GABBR2: variants seen among roughly 807,000 people sequenced by gnomAD.
The protein encoded by GABBR2 is G-protein coupled receptor 51.
GABBR2 carries 23 observed loss-of-function variants against 105.6 expected under a neutral mutation model. The observed-to-expected ratio is 0.22, with a 90% CI of 0.16 to 0.31. The LOEUF is 0.31. Among genes scored for constraint, GABBR2 ranks in the 10% least tolerant of loss-of-function variants. The pLI is 1.00. For missense variants in GABBR2, 734 were observed against 1,245.5 expected (o/e 0.59, Z 6.18); for synonymous variants, 478 against 499.7 (o/e 0.96, Z 0.58).
chr9:98,649,921 C>T (rs1370629520), intron 1 of GABBR2, among the ~76,000 whole-genome samples: 1 of 152,128 alleles, frequency 6.6e-6, no homozygotes, highest in Non-Finnish European at 1.5e-5. Context: ...GATATTTTCT[C>T]CAACAATAAG....
At chr9:98,668,945 C>T (rs1173446118) in intron 1 of GABBR2, among the ~76,000 whole-genome samples, 1 of 151,320 alleles carries the variant, frequency 6.6e-6, no homozygotes, top group Non-Finnish European at 1.5e-5. Context: ...ATCCTTTCAT[C>T]TGTCAATGAA....
At chr9:98,667,720 G>A (rs2131858523) in intron 1 of GABBR2, among the ~76,000 whole-genome samples, 1 of 152,288 alleles carries the variant, frequency 6.6e-6, no homozygotes, top group East Asian at 1.9e-4. Context: ...GAATAGCCCT[G>A]CAACATAAAG....
chr9:98,453,367 A>G (rs1040096764), intron 7 of GABBR2, among the ~76,000 whole-genome samples: 1 of 152,186 alleles, frequency 6.6e-6, no homozygotes, highest in Non-Finnish European at 1.5e-5. Context: ...TTTTCAGAAC[A>G]GAAAGAAAAC....
chr9:98,581,443 G>A (rs1009748945), intron 1 of GABBR2, among the ~76,000 whole-genome samples: 8 of 139,106 alleles, frequency 5.8e-5, no homozygotes, highest in Non-Finnish European at 4.7e-5. Context: ...AACTGGCCAA[G>A]TTAATTTATT....
intron 7 of GABBR2, among the ~76,000 whole-genome samples, chr9:98,436,720 A>G (rs200985059): frequency 6.6e-6 from 1 of 151,892 alleles, no homozygotes; most frequent in East Asian, 1.9e-4. Context: ...TCTTGCCTAG[A>G]ATTTTGCTTA....
chr9:98,306,094 G>A lies in GABBR2; in HGVS notation c.2229+27C>T, dbSNP rs1830546785. The A allele has an allele frequency of 6.5e-7, 1 of 1,529,564 alleles. No individual in the cohort carries two copies. Among genetic ancestry groups the A allele is most frequent in the Non-Finnish European group, 9.1e-7 (1 of 1,104,938 alleles). 94.7% of individuals were successfully genotyped at this position (1,529,564 alleles called of 1,614,324 possible). A position where few individuals can be genotyped will look rare whatever the true frequency, so the allele number is the denominator to read the frequency against. ...CCTGTGCTGGAGTCAGAGGGCAGAG[G>A]CCAGGTGGTGGGGCCAGCGCCTGTA... is the stretch of plus-strand genomic sequence containing the variant. On this transcript the variant is annotated intron_variant, in intron 15 of 18. Transcript: ENST00000259455. This position sits in a 1 kb window ranked among gnomAD's most constrained non-coding sequence, Gnocchi z 5.4.
At chr9:98,686,520 C>T (rs1830622789) in intron 1 of GABBR2, among the ~76,000 whole-genome samples, 3 of 152,200 alleles carry the variant, frequency 2.0e-5, no homozygotes, top group East Asian at 1.9e-4. Flanking sequence ...CTCAGCCTCT[C>T]GAGTAGCTGG....
In GABBR2 at chr9:98,296,658, T is replaced by G. The variant is rs536933392; in HGVS notation, c.2542+2566A>C. ...GAGATTGATCATCTTTTCATAAGTG[T>G]AAGAACAATTTCCAGTTCCTTTTAT... On this transcript the variant is annotated intron_variant, in intron 17 of 18. Transcript: ENST00000259455. 2.0e-5 allele frequency among the ~76,000 whole-genome samples: 3 copies of G among 152,352 alleles called. No homozygotes were observed. In the East Asian group the frequency reaches 5.8e-4, roughly 29 times the overall value.
At chr9:98,414,784 C>T (rs1452683733) in intron 7 of GABBR2, among the ~76,000 whole-genome samples, 1 of 152,032 alleles carries the variant, frequency 6.6e-6, no homozygotes, top group Non-Finnish European at 1.5e-5. Context: ...CAGGCCTGGA[C>T]CATGAAAACC....
chr9:98,447,051 T>C (rs911143224), intron 7 of GABBR2, among the ~76,000 whole-genome samples: 3 of 144,846 alleles, frequency 2.1e-5, no homozygotes, highest in Admixed American at 1.4e-4. Flanking sequence ...AGATTCAACC[T>C]AAAAAAGACT....
intron 4 of GABBR2, among the ~76,000 whole-genome samples, chr9:98,487,532 TAGG>T (rs908227510): frequency 8.6e-5 from 13 of 151,892 alleles, no homozygotes; most frequent in African/African-American, 2.7e-4. Flanking sequence ...CCCAGCACAT[TAGG>T]AGGCCAAGGC....
chr9:98,461,213 T>C (rs1211575934), intron 6 of GABBR2, among the ~76,000 whole-genome samples: 4 of 152,004 alleles, frequency 2.6e-5, no homozygotes, highest in Admixed American at 1.3e-4. Context: ...AAAAAAGTAA[T>C]AGGAAGTGTA....
intron 1 of GABBR2, among the ~76,000 whole-genome samples, chr9:98,667,862 G>C (rs1830356459): frequency 6.6e-6 from 1 of 152,202 alleles, no homozygotes; most frequent in African/African-American, 2.4e-5. Context: ...TTGCTGGGCT[G>C]ATATGCCTGT....
chr9:98,651,139 G>GTTTT (rs55727456), intron 1 of GABBR2, among the ~76,000 whole-genome samples: 4 of 129,580 alleles, frequency 3.1e-5, no homozygotes, highest in Non-Finnish European at 4.9e-5. Flanking sequence ...ACACACACTG[G>GTTTT]TTTTTTTTTT....
chr9:98,448,023 A>G (rs142514975), intron 7 of GABBR2, among the ~76,000 whole-genome samples: 47 of 152,246 alleles, frequency 3.1e-4, no homozygotes, highest in African/African-American at 1.0e-3. Flanking sequence ...CAATTAGAAG[A>G]TAACAGCCAT....
At chr9:98,633,626 CAAAAAA>C (rs11301472) in intron 1 of GABBR2, among the ~76,000 whole-genome samples, 1 of 84,328 alleles carries the variant, frequency 1.2e-5, no homozygotes, top group Non-Finnish European at 2.4e-5. Context: ...GACTCCATCT[CAAAAAA>C]AAAAAAAAAA....
At chr9:98,505,751 C>T (rs892196439) in intron 3 of GABBR2, among the ~76,000 whole-genome samples, 10 of 152,246 alleles carry the variant, frequency 6.6e-5, no homozygotes, top group African/African-American at 1.7e-4. Flanking sequence ...ATGCATCTGC[C>T]GGCAAGGAGC....
At chr9:98,434,206 C>T (rs1009005963) in intron 7 of GABBR2, among the ~76,000 whole-genome samples, 1 of 152,248 alleles carries the variant, frequency 6.6e-6, no homozygotes, top group Non-Finnish European at 1.5e-5. Flanking sequence ...GGACTCCAAG[C>T]TCTTCAGCTT....
intron 7 of GABBR2, among the ~76,000 whole-genome samples, chr9:98,428,142 G>A (rs1825732694): frequency 1.3e-5 from 2 of 152,212 alleles, no homozygotes; most frequent in Non-Finnish European, 2.9e-5. Flanking sequence ...ATTCATCCTG[G>A]ATGGCTCAAA....
Sources: allele counts gnomAD v4.1 joint callset (sites outside exome capture counted in the v4.1 genomes callset), GRCh38; gene constraint gnomAD v4.1.1; non-coding constraint Gnocchi (gnomAD v3.1); transcripts MANE v1.5; gene names NCBI Gene and HGNC (gene_info 2026-07-23, HGNC 2026-07-21).